Variants in MACROD2 observed in about 807,000 individuals in gnomAD.
MACROD2 encodes the protein ADP-ribose glycohydrolase MACROD2.
A neutral mutation model predicts 70.4 loss-of-function variants in MACROD2; 36 were observed. The ratio of observed to expected loss-of-function variants is 0.51; its 90% CI spans 0.39 to 0.68. MACROD2 has a LOEUF of 0.68. MACROD2 is among the 30% of genes least tolerant of loss of function. The probability of loss-of-function intolerance (pLI) is 0.00; values close to 1 mark genes in which losing one functional copy is unlikely to be tolerated. For synonymous variants in MACROD2, 172 were observed against 178.8 expected, an observed-to-expected ratio of 0.96 and a Z score of 0.30; for missense variants, 496 against 538.4, an observed-to-expected ratio of 0.92 and a Z score of 0.78.
intron 13 of MACROD2, among the ~76,000 whole-genome samples, chr20:15,971,009 A>G (rs180702107): frequency 1.1e-4 from 17 of 152,306 alleles, no homozygotes; most frequent in African/African-American, 3.4e-4. Context: ...GCTCAAAAAT[A>G]TTTATAAAAA....
intron 8 of MACROD2, among the ~76,000 whole-genome samples, chr20:15,665,313 C>T (rs1028438325): frequency 2.6e-5 from 4 of 152,076 alleles, no homozygotes; most frequent in Non-Finnish European, 5.9e-5. Flanking sequence ...AACTTATGGT[C>T]GGCAGTATAT....
intron 8 of MACROD2, among the ~76,000 whole-genome samples, chr20:15,538,901 G>A (rs1050688161): frequency 4.0e-5 from 6 of 151,420 alleles, no homozygotes; most frequent in Non-Finnish European, 8.8e-5. Flanking sequence ...GCTTTTTTTT[G>A]AGCTGATTAT....
chr20:14,789,889 T>A (rs1216991338), intron 5 of MACROD2, among the ~76,000 whole-genome samples: 1 of 152,006 alleles, frequency 6.6e-6, no homozygotes, highest in East Asian at 1.9e-4. Context: ...GAAATCAAAA[T>A]TAAAGTGCTC....
chr20:14,224,290 C>T (rs889358741), intron 3 of MACROD2, among the ~76,000 whole-genome samples: 2 of 152,164 alleles, frequency 1.3e-5, no homozygotes, highest in Non-Finnish European at 2.9e-5. Flanking sequence ...GGCCTTAAGC[C>T]TCCATCACTT....
At chr20:14,255,595 T>A (rs1224886767) in intron 3 of MACROD2, among the ~76,000 whole-genome samples, 1 of 151,402 alleles carries the variant, frequency 6.6e-6, no homozygotes, top group Non-Finnish European at 1.5e-5. Context: ...AAATGATGAG[T>A]TAATGGGTGC....
Position 15,034,770 on chromosome 20 carries a change from A to G in MACROD2, c.419-195170A>G, listed in dbSNP as rs1412394337. On this transcript the variant is annotated intron_variant, in intron 5 of 17. Transcript: ENST00000684519. ...CACCTGTTTCTTTCACTTAACAGGA[A>G]TTAGTAATATACTTTGATGCTAACA... 2.0e-5 allele frequency among the ~76,000 whole-genome samples: 3 copies of G among 152,324 alleles called. No homozygotes were observed. In the East Asian group the frequency reaches 5.8e-4, roughly 29 times the overall value.
Position 14,002,350 on chromosome 20 carries a change from CT to C in MACROD2, c.110del (p.Leu37ArgfsTer11), listed in dbSNP as rs1569109012. The C allele has an allele frequency of 6.2e-7, 1 of 1,610,522 alleles. No homozygotes were observed. Among genetic ancestry groups the C allele is most frequent in the Non-Finnish European group, 8.5e-7 (1 of 1,178,554 alleles). On this transcript the variant is annotated frameshift_variant, in exon 2 of 18. Coordinates refer to ENST00000684519, the MANE Select transcript of MACROD2 (RefSeq NM_001351661.2). LOFTEE classifies it high-confidence loss of function. ...RKEYLRDYIPLNSILSWKEEM... is the reference protein window; with the variant it reads ...RKEYLRDYIPXNSILSWKEEM... ...AGAATACCTAAGAGACTATATTCCC[CT>C]GAACAGCATTCTATCATGGAAGGAG...
intron 15 of MACROD2, among the ~76,000 whole-genome samples, chr20:16,029,561 A>G (rs1433169338): frequency 6.6e-6 from 1 of 152,186 alleles, no homozygotes; most frequent in Non-Finnish European, 1.5e-5. Context: ...CAGCAAAAGG[A>G]AGGCACCTTT....
intron 2 of MACROD2, 34 bp from the exon 3 acceptor site, chr20:14,085,566 TCGATTAAGTTAATTAATAATA>T (rs1352216324): frequency 6.7e-6 from 7 of 1,051,142 alleles, no homozygotes; most frequent in African/African-American, 6.6e-5. Flanking sequence ...AAAAATTATC[TCGATTAAGTTAATTAATAATA>T]TTATTATTGA....
chr20:14,713,487 G>A (rs2071361603), intron 5 of MACROD2, among the ~76,000 whole-genome samples: 1 of 152,148 alleles, frequency 6.6e-6, no homozygotes, highest in South Asian at 2.1e-4. Flanking sequence ...TACTCTGGCA[G>A]TTTTACCACC....
chr20:15,941,789 T>C (rs903622736), intron 12 of MACROD2, among the ~76,000 whole-genome samples: 4 of 152,202 alleles, frequency 2.6e-5, no homozygotes, highest in African/African-American at 9.6e-5. Context: ...AAGCATCTTC[T>C]TGGGCTTTAG....
chr20:14,126,383 C>A (rs1384673596), intron 3 of MACROD2, among the ~76,000 whole-genome samples: 1 of 152,088 alleles, frequency 6.6e-6, no homozygotes, highest in Non-Finnish European at 1.5e-5. Flanking sequence ...TCTTTAAAAG[C>A]CCTATACAAA....
chr20:14,246,779 G>C (rs1049739788), intron 3 of MACROD2, among the ~76,000 whole-genome samples: 2 of 152,080 alleles, frequency 1.3e-5, no homozygotes, highest in Non-Finnish European at 2.9e-5. Flanking sequence ...TCTTTATCCT[G>C]TTGTAAAAAC....
intron 6 of MACROD2, among the ~76,000 whole-genome samples, chr20:15,393,898 T>TC (rs1252599373): frequency 1.1e-4 from 16 of 152,214 alleles, no homozygotes; most frequent in Admixed American, 6.5e-5. Context: ...TGTATGCATG[T>TC]CCCCCCCATG....
At chr20:14,338,786 GC>G (rs1164823629) in intron 3 of MACROD2, among the ~76,000 whole-genome samples, 2 of 152,106 alleles carry the variant, frequency 1.3e-5, no homozygotes, top group Non-Finnish European at 2.9e-5. Flanking sequence ...AAATTTCTAT[GC>G]CTAATTAACA....
intron 3 of MACROD2, among the ~76,000 whole-genome samples, chr20:14,174,684 A>G (rs541855116): frequency 1.8e-4 from 28 of 152,224 alleles, no homozygotes; most frequent in African/African-American, 6.3e-4. Flanking sequence ...CCCCTTCCCA[A>G]GGTTTTGTCC....
intron 17 of MACROD2, among the ~76,000 whole-genome samples, chr20:16,046,070 C>T (rs2147622295): frequency 6.6e-6 from 1 of 151,974 alleles, no homozygotes; most frequent in African/African-American, 2.4e-5. Flanking sequence ...GTGTTGACAC[C>T]CTTGCCCCCT....
intron 16 of MACROD2, among the ~76,000 whole-genome samples, chr20:16,044,085 G>C (rs781092562): frequency 5.9e-5 from 9 of 152,024 alleles, no homozygotes; most frequent in Non-Finnish European, 1.0e-4. Context: ...GGTTCTGCAG[G>C]CTTTACAGGA....
At chr20:14,642,044 G>C (rs1985125444) in intron 4 of MACROD2, among the ~76,000 whole-genome samples, 1 of 152,150 alleles carries the variant, frequency 6.6e-6, no homozygotes, top group Non-Finnish European at 1.5e-5. Context: ...TTGAAAATCT[G>C]TTAGTTAGCG....
Sources: gnomAD v4.1 joint callset for allele counts (sites outside exome capture counted in the v4.1 genomes callset) on GRCh38, gnomAD v4.1.1 for gene constraint, MANE v1.5 for transcripts, NCBI Gene and HGNC (gene_info 2026-07-23, HGNC 2026-07-21) for gene names.